The following ADCY1 variants were observed in gnomAD, a reference collection of about 807,000 sequenced individuals.
ADCY1 encodes adenylate cyclase type 1.
ADCY1 carries 28 observed loss-of-function variants against 105.4 expected under a neutral mutation model. The observed-to-expected ratio is 0.27, with a 90% confidence interval of 0.20 to 0.36. ADCY1 has a LOEUF of 0.36. Ranked by LOEUF, ADCY1 falls within the 10% of genes least tolerant of loss-of-function variation. The pLI is 1.00. For synonymous variants in ADCY1, 655 were observed against 623.8 expected, an observed-to-expected ratio of 1.05 and a Z score of -0.75; for missense variants, 977 against 1,434.2, an observed-to-expected ratio of 0.68 and a Z score of 5.15.
Position 45,651,976 on chromosome 7 carries a change from C to T in ADCY1, c.1148+3179C>T, listed in dbSNP as rs188115301. 1.3e-3 allele frequency among the ~76,000 whole-genome samples: 202 copies of T among 152,196 alleles called. 1 individual carries two copies. The highest frequency in any genetic ancestry group is 2.8e-3 in the Admixed American group (43 of 15,292). On this transcript the variant is annotated intron_variant, in intron 5 of 19. Transcript: ENST00000297323. ...CTACCTGAGACTGGGTAATTTAAGA[C>T]GAAAAGAGGTTTAATTGACTTGTAG...
rs1205541341 is a variant in ADCY1, at chr7:45,575,561, C to T, written c.639+379C>T. ...ACTGAAAGTGGGCGAGGAGAGCAGA[C>T]CCCCAGGGCAAGCTCCAAGGCCGGC... On this transcript the variant is annotated intron_variant, in intron 1 of 19. Coordinates refer to ENST00000297323, the MANE Select transcript of ADCY1 (RefSeq NM_021116.4). This position sits in a 1 kb window ranked among gnomAD's most constrained non-coding sequence, Gnocchi z 4.7. Among the ~76,000 whole-genome samples the T allele has an allele frequency of 6.6e-6, 1 of 152,266 alleles. No homozygotes were observed. Among genetic ancestry groups the T allele is most frequent in the South Asian group, 2.1e-4 (1 of 4,836 alleles).
At chr7:45,645,843 A>G (rs1212426336) in intron 4 of ADCY1, among the ~76,000 whole-genome samples, 1 of 152,144 alleles carries the variant, frequency 6.6e-6, no homozygotes, top group Non-Finnish European at 1.5e-5. Flanking sequence ...ATGTGCAAGA[A>G]GAGTTCCAGC....
chr7:45,663,258 C>T (rs938839206), intron 8 of ADCY1, among the ~76,000 whole-genome samples: 5 of 152,216 alleles, frequency 3.3e-5, no homozygotes, highest in African/African-American at 1.2e-4. Context: ...GGAGCCCAGC[C>T]TTGGAGCTGG....
chr7:45,638,717 C>T (rs537085899), intron 4 of ADCY1, among the ~76,000 whole-genome samples: 21 of 151,316 alleles, frequency 1.4e-4, no homozygotes, highest in Admixed American at 1.1e-3. Flanking sequence ...GATGTGCTCA[C>T]GTTGTGTCTG....
chr7:45,622,434 C>T (rs557521598), intron 3 of ADCY1, among the ~76,000 whole-genome samples, 198 bp from the exon 4 acceptor site: 13 of 152,222 alleles, frequency 8.5e-5, no homozygotes, highest in South Asian at 8.3e-4. Flanking sequence ...CAAGCCTCGG[C>T]GTTCTGTGGC....
rs1785330593 is a variant in ADCY1, at chr7:45,714,722, C to G, written c.*727C>G. 1 of 152,626 alleles carries G rather than the reference C, an allele frequency of 6.6e-6. No individual in the cohort carries two copies. The highest frequency in any genetic ancestry group is 2.4e-5 in the African/African-American group (1 of 41,450). The allele number at this position is 152,626 out of a possible 1,614,324, so 9.5% of individuals were successfully genotyped here. The stretch of plus-strand genomic sequence containing the variant: ...AGTTCTCAGGGGGGCCCTGTGACCC[C>G]CTCTCCACAACCATGGCCAGCATCG... On this transcript the variant is annotated 3_prime_UTR_variant, in exon 20 of 20. Transcript: ENST00000297323.
At chr7:45,615,995 A>G (rs557904074) in intron 3 of ADCY1, among the ~76,000 whole-genome samples, 1 of 152,318 alleles carries the variant, frequency 6.6e-6, no homozygotes, top group South Asian at 2.1e-4. Flanking sequence ...AAAATTGTAA[A>G]TGAAAGAAGA....
At chr7:45,586,903 A>G (rs1218197843) in intron 1 of ADCY1, among the ~76,000 whole-genome samples, 1 of 152,202 alleles carries the variant, frequency 6.6e-6, no homozygotes, top group African/African-American at 2.4e-5. Context: ...CATATGAGAA[A>G]GCACTCCCTC....
intron 11 of ADCY1, among the ~76,000 whole-genome samples, chr7:45,681,093 C>T (rs993833573): frequency 2.0e-5 from 3 of 152,162 alleles, no homozygotes; most frequent in African/African-American, 7.2e-5. Flanking sequence ...GGGATGTGCT[C>T]ATGAAACCAG....
intron 1 of ADCY1, among the ~76,000 whole-genome samples, chr7:45,578,132 C>T (rs1432947014): frequency 6.6e-6 from 1 of 152,172 alleles, no homozygotes; most frequent in South Asian, 2.1e-4. Context: ...CCCCAGGACT[C>T]TGGGGGGCAG....
chr7:45,658,628 C>T (rs1795005503), intron 6 of ADCY1, among the ~76,000 whole-genome samples: 5 of 152,254 alleles, frequency 3.3e-5, no homozygotes, highest in Admixed American at 2.6e-4. Flanking sequence ...GTGTTTTCCT[C>T]TCCCCGTTGG....
chr7:45,664,607 T>C, intron 8 of ADCY1: 1 of 973,770 alleles, frequency 1.0e-6, no homozygotes, highest in Admixed American at 3.3e-5. Context: ...ATCATGAACA[T>C]TTTGTTCCTT....
At chr7:45,677,097 T>C (rs978413619) in intron 8 of ADCY1, among the ~76,000 whole-genome samples, 1 of 152,132 alleles carries the variant, frequency 6.6e-6, no homozygotes, top group South Asian at 2.1e-4. Context: ...AGTTGCAAGG[T>C]CCCTGCGATC....
chr7:45,670,635 G>A (rs116036743), intron 8 of ADCY1, among the ~76,000 whole-genome samples: 2 of 151,990 alleles, frequency 1.3e-5, no homozygotes, highest in African/African-American at 4.8e-5. Context: ...CCTGATCCAG[G>A]GTGGACCTGT....
At chr7:45,680,832 A>T (rs1260359652) in intron 11 of ADCY1, among the ~76,000 whole-genome samples, 9 of 152,226 alleles carry the variant, frequency 5.9e-5, no homozygotes. Context: ...GTGCCCACCC[A>T]ATGGTGTACA....
At chr7:45,701,655 A>T (rs1403973001) in intron 14 of ADCY1, among the ~76,000 whole-genome samples, 1 of 152,168 alleles carries the variant, frequency 6.6e-6, no homozygotes, top group South Asian at 2.1e-4. Context: ...ACACATAATT[A>T]ATAATGTGGG....
rs931181517 is a variant in ADCY1, at chr7:45,591,312, G to A, written c.640-1447G>A. 1.3e-5 allele frequency among the ~76,000 whole-genome samples: 2 copies of A among 152,216 alleles called. No individual in the cohort carries two copies. The highest frequency in any genetic ancestry group is 4.8e-5 in the African/African-American group (2 of 41,460). On this transcript the variant is annotated intron_variant, in intron 1 of 19. Transcript: ENST00000297323. This position sits in a 1 kb window ranked among gnomAD's most constrained non-coding sequence, Gnocchi z 4.1. ...TAGAGCCGTCTGGGGGCCCCATCCT[G>A]CTGCCTGTAGCTTGGCCCGATCAGG...
chr7:45,716,650 G>A lies in ADCY1; in HGVS notation c.*2655G>A, dbSNP rs1785363701. The stretch of plus-strand genomic sequence containing the variant: ...CTGCCCAGCTTCGGCCATCCAGGTG[G>A]TGGGTAGACAGAGGAGTGAACCCCA... On this transcript the variant is annotated 3_prime_UTR_variant, in exon 20 of 20. Transcript: ENST00000297323. 1 of 153,282 alleles carries A rather than the reference G, an allele frequency of 6.5e-6. No individual in the cohort carries two copies. The highest frequency in any genetic ancestry group is 1.5e-5 in the Non-Finnish European group (1 of 68,886). 9.5% of individuals were successfully genotyped at this position (153,282 alleles called of 1,614,324 possible). A position where few individuals can be genotyped will look rare whatever the true frequency, so the allele number is the denominator to read the frequency against.
chr7:45,679,562 C>T, intron 10 of ADCY1, 147 bp from the exon 11 acceptor site: 1 of 759,026 alleles, frequency 1.3e-6, no homozygotes, highest in Admixed American at 2.1e-5. Context: ...TTCCCAGAGA[C>T]CTGAGTGGCA....
Sources: allele counts gnomAD v4.1 joint callset (sites outside exome capture counted in the v4.1 genomes callset), GRCh38; gene constraint gnomAD v4.1.1; non-coding constraint Gnocchi (gnomAD v3.1); transcripts MANE v1.5; gene names NCBI Gene and HGNC (gene_info 2026-07-23, HGNC 2026-07-21).